Variants in ABCB1 observed in about 807,000 individuals in gnomAD.
The protein encoded by ABCB1 is ATP binding cassette subfamily B member 1.
A neutral mutation model predicts 142.0 loss-of-function variants in ABCB1; 69 were observed. That is an observed-to-expected ratio of 0.49 (90% CI 0.40 to 0.59). The LOEUF (loss-of-function observed/expected upper bound fraction) is 0.59. ABCB1 is among the 20% of genes least tolerant of loss of function. The pLI, the probability that ABCB1 is intolerant of heterozygous loss-of-function variation, is 0.00. For synonymous variants in ABCB1, 532 were observed against 539.2 expected (o/e 0.99, Z 0.18); for missense variants, 1,326 against 1,554.7 (o/e 0.85, Z 2.47).
intron 1 of ABCB1, among the ~76,000 whole-genome samples, chr7:87,651,480 TA>T (rs1193242425): frequency 1.3e-5 from 2 of 152,088 alleles, no homozygotes; most frequent in African/African-American, 4.8e-5. Context: ...TTCTTTAAAT[TA>T]AAAAGATCTA....
At chr7:87,701,987 T>C (rs1034612196) in intron 1 of ABCB1, among the ~76,000 whole-genome samples, 4 of 151,178 alleles carry the variant, frequency 2.6e-5, no homozygotes, top group Non-Finnish European at 4.4e-5. Flanking sequence ...ACTGAAAATA[T>C]AAAAAATTAG....
At chr7:87,569,890 T>A (rs1389874525) in intron 5 of ABCB1, among the ~76,000 whole-genome samples, 1 of 152,164 alleles carries the variant, frequency 6.6e-6, no homozygotes, top group Non-Finnish European at 1.5e-5. Flanking sequence ...TTAATTCAAC[T>A]GCATTTTAAA....
intron 1 of ABCB1, among the ~76,000 whole-genome samples, chr7:87,669,141 T>A (rs1392530014): frequency 6.6e-6 from 1 of 152,204 alleles, no homozygotes; most frequent in Non-Finnish European, 1.5e-5. Context: ...AAGAACTTGC[T>A]TTATGAATCT....
chr7:87,605,881 A>G (rs577099487), upstream of ABCB1, among the ~76,000 whole-genome samples: 4 of 152,332 alleles, frequency 2.6e-5, no homozygotes, highest in African/African-American at 9.6e-5. Flanking sequence ...GAGCCAAGAT[A>G]TGAATAAAAA....
At chr7:87,685,592 C>T (rs999251593) in intron 1 of ABCB1, among the ~76,000 whole-genome samples, 10 of 152,106 alleles carry the variant, frequency 6.6e-5, no homozygotes, top group African/African-American at 2.4e-4. Flanking sequence ...CTAAAGATTA[C>T]GTATGATTCC....
intron 23 of ABCB1, among the ~76,000 whole-genome samples, chr7:87,518,080 C>T (rs912597794): frequency 6.6e-6 from 1 of 152,162 alleles, no homozygotes; most frequent in Admixed American, 6.5e-5. Flanking sequence ...CTGGAACAGA[C>T]ATAATACTTG....
chr7:87,654,103 A>G (rs1373416121), intron 1 of ABCB1, among the ~76,000 whole-genome samples: 3 of 152,060 alleles, frequency 2.0e-5, no homozygotes, highest in Non-Finnish European at 4.4e-5. Flanking sequence ...GGAAAGATAT[A>G]TGTGTTCATA....
intron 17 of ABCB1, 130 bp downstream of exon 17, chr7:87,543,999 G>A: frequency 1.8e-6 from 2 of 1,114,996 alleles, no homozygotes; most frequent in Non-Finnish European, 2.7e-6. Context: ...ACATCTTCAA[G>A]CCAATTAGTT....
chr7:87,697,977 A>T (rs918922215), intron 1 of ABCB1, among the ~76,000 whole-genome samples: 1 of 152,244 alleles, frequency 6.6e-6, no homozygotes, highest in African/African-American at 2.4e-5. Context: ...ATATTGAGGC[A>T]TTATATCAGG....
chr7:87,632,697 T>C (rs1323389253), intron 1 of ABCB1, among the ~76,000 whole-genome samples: 1 of 152,184 alleles, frequency 6.6e-6, no homozygotes, highest in African/African-American at 2.4e-5. Context: ...CAGATATTAG[T>C]CATTTTTTCT....
At chr7:87,577,812 G>A (rs1202178) in intron 4 of ABCB1, among the ~76,000 whole-genome samples, 72,489 of 151,956 alleles carry the variant, frequency 0.48, 18,421 homozygotes, top group East Asian at 0.81. Flanking sequence ...ATATATTCTG[G>A]TTATTAATCT....
chr7:87,705,217 C>A (rs1829480540), intron 1 of ABCB1, among the ~76,000 whole-genome samples: 1 of 152,068 alleles, frequency 6.6e-6, no homozygotes, highest in African/African-American at 2.4e-5. Flanking sequence ...CTGAGGTCAG[C>A]AGTTCCAGAC....
intron 8 of ABCB1, among the ~76,000 whole-genome samples, chr7:87,560,829 C>T (rs1271622867): frequency 3.3e-5 from 5 of 152,070 alleles, no homozygotes; most frequent in Non-Finnish European, 7.4e-5. Flanking sequence ...CTTTTGTACA[C>T]ATAAGTGCTT....
chr7:87,583,543 A>G (rs964679816), intron 4 of ABCB1, among the ~76,000 whole-genome samples: 2 of 152,208 alleles, frequency 1.3e-5, no homozygotes, highest in Non-Finnish European at 2.9e-5. Flanking sequence ...GATATCTATG[A>G]AGATGGAAAT....
chr7:87,553,273 A>G (rs1222683052), intron 9 of ABCB1, among the ~76,000 whole-genome samples: 1 of 151,912 alleles, frequency 6.6e-6, no homozygotes, highest in African/African-American at 2.4e-5. Context: ...AAACAAGCAA[A>G]TAAAAGAAAA....
intron 7 of ABCB1, among the ~76,000 whole-genome samples, chr7:87,564,862 T>G (rs1817723528): frequency 6.6e-6 from 1 of 152,330 alleles, no homozygotes; most frequent in Middle Eastern, 3.4e-3. Context: ...CAAAACATTT[T>G]AAGTAATTTT....
Position 87,549,961 on chromosome 7 carries a change from T to C in ABCB1, c.1444A>G (p.Thr482Ala). 2 of 1,614,232 alleles carry C rather than the reference T, an allele frequency of 1.2e-6. No individual in the cohort carries two copies. The highest frequency in any genetic ancestry group is 1.7e-6 in the Non-Finnish European group (2 of 1,180,030). Residue 482 changes from threonine to alanine, a missense_variant, in exon 13 of 28, where the codon ACC becomes GCC. Thr to Ala is a moderately conservative substitution (Grantham distance 58). Transcript: ENST00000622132. Reference protein sequence around the residue: ...VVSQEPVLFATTIAENIRYGR... With the variant: ...VVSQEPVLFAATIAENIRYGR... ...TAGCGAATGTTTTCAGCTATCGTGGTGGCAAACAATACAGGTTCCTGACTC... is the reference window on the plus strand; with the variant it reads ...TAGCGAATGTTTTCAGCTATCGTGGCGGCAAACAATACAGGTTCCTGACTC...
At chr7:87,588,336 A>C (rs918874831) in intron 3 of ABCB1, among the ~76,000 whole-genome samples, 2 of 151,448 alleles carry the variant, frequency 1.3e-5, no homozygotes, top group East Asian at 1.9e-4. Context: ...CTCCTCCCAC[A>C]CTCCACCCTC....
At chr7:87,640,034 A>T (rs1267942763) in intron 1 of ABCB1, among the ~76,000 whole-genome samples, 3 of 150,774 alleles carry the variant, frequency 2.0e-5, no homozygotes, top group African/African-American at 7.3e-5. Flanking sequence ...TGAGTCATAT[A>T]TTCCATTTCT....
Sources: gnomAD v4.1 joint callset for allele counts (sites outside exome capture counted in the v4.1 genomes callset) on GRCh38, gnomAD v4.1.1 for gene constraint, MANE v1.5 for transcripts, NCBI Gene and HGNC (gene_info 2026-07-23, HGNC 2026-07-21) for gene names.